BCAS3: variants seen among roughly 807,000 people sequenced by gnomAD.
BCAS3 encodes the protein BCAS3 microtubule associated cell migration factor.
A neutral mutation model predicts 116.1 loss-of-function variants in BCAS3; 53 were observed. The ratio of observed to expected loss-of-function variants is 0.46; its 90% CI spans 0.37 to 0.57. BCAS3 has a LOEUF of 0.57. BCAS3 is among the 20% of genes least tolerant of loss of function. BCAS3 has a pLI of 0.00. For missense variants in BCAS3, 917 were observed against 1,165.4 expected (o/e 0.79, Z 3.10); for synonymous variants, 391 against 408.2 (o/e 0.96, Z 0.51).
Position 60,956,523 on chromosome 17 carries a change from C to T in BCAS3, c.1221+9171C>T, listed in dbSNP as rs750565959. ...AGCACTTAACACCTATTTTTGATAC[C>T]TCTTTGTATTAAAGTTATTTGCCAT... On this transcript the variant is annotated intron_variant, in intron 14 of 23. Coordinates refer to ENST00000407086, the MANE Select transcript of BCAS3 (RefSeq NM_017679.5). This position sits in a 1 kb window ranked among gnomAD's most constrained non-coding sequence, Gnocchi z 4.2. Among the ~76,000 whole-genome samples, 1 of 152,090 alleles carries T rather than the reference C, an allele frequency of 6.6e-6. No homozygotes were observed. Among genetic ancestry groups the T allele is most frequent in the Non-Finnish European group, 1.5e-5 (1 of 68,002 alleles).
chr17:60,785,906 A>G (rs1342865821), intron 6 of BCAS3, among the ~76,000 whole-genome samples: 2 of 152,208 alleles, frequency 1.3e-5, no homozygotes, highest in East Asian at 3.8e-4. Flanking sequence ...TATTGCCTAT[A>G]CAATACAGTG....
intron 13 of BCAS3, among the ~76,000 whole-genome samples, chr17:60,927,821 A>G (rs1170467884): frequency 6.6e-6 from 1 of 152,156 alleles, no homozygotes; most frequent in Non-Finnish European, 1.5e-5. Context: ...AATTCTCTAA[A>G]TATTGCTTAT....
intron 22 of BCAS3, among the ~76,000 whole-genome samples, chr17:61,225,658 T>C (rs765805817): frequency 6.6e-6 from 1 of 152,190 alleles, no homozygotes; most frequent in Admixed American, 6.5e-5. Context: ...CTTTACTGCT[T>C]AAAGCGTCTA....
At position 61,156,996 on chromosome 17, in the gene BCAS3, G is replaced by A. The variant is rs73991497; in HGVS notation, c.2425+72432G>A. On this transcript the variant is annotated intron_variant, in intron 22 of 23. Transcript: ENST00000407086. This position sits in a 1 kb window ranked among gnomAD's most constrained non-coding sequence, Gnocchi z 4.7. ...AATTTAGTATTAAATTTCAAAATAC[G>A]TATTTGTTTTAAAAAGCAAATGTGG... Among the ~76,000 whole-genome samples, 585 of 152,170 alleles carry A rather than the reference G, an allele frequency of 3.8e-3. 5 individuals are homozygous for A. Among genetic ancestry groups the A allele is most frequent in the African/African-American group, 0.013 (556 of 41,516 alleles).
At chr17:60,793,860 C>A (rs957500529) in intron 6 of BCAS3, among the ~76,000 whole-genome samples, 1 of 152,078 alleles carries the variant, frequency 6.6e-6, no homozygotes, top group African/African-American at 2.4e-5. Context: ...AACTGTGCTG[C>A]TATAAACATG....
At chr17:60,946,894 G>A (rs1487315928) in intron 13 of BCAS3, among the ~76,000 whole-genome samples, 3 of 152,128 alleles carry the variant, frequency 2.0e-5, no homozygotes, top group Non-Finnish European at 4.4e-5. Flanking sequence ...CTGGGCAACC[G>A]AGTGAGGTTC....
intron 7 of BCAS3, among the ~76,000 whole-genome samples, chr17:60,823,460 A>T (rs951390318): frequency 1.2e-4 from 18 of 152,122 alleles, no homozygotes; most frequent in African/African-American, 3.9e-4. Context: ...AGATTTTGGG[A>T]GGCTGAGGTA....
chr17:60,787,733 A>G (rs932609586), intron 6 of BCAS3, among the ~76,000 whole-genome samples: 2 of 152,168 alleles, frequency 1.3e-5, no homozygotes, highest in East Asian at 1.9e-4. Context: ...CAAGTGGACT[A>G]TGCAGATCAC....
chr17:61,018,547 C>T (rs963973848), intron 16 of BCAS3, among the ~76,000 whole-genome samples: 1 of 152,086 alleles, frequency 6.6e-6, no homozygotes, highest in Non-Finnish European at 1.5e-5. Flanking sequence ...AGTGATCCAC[C>T]TGCCTCGGCC....
At chr17:61,030,650 A>G (rs1245238343) in intron 16 of BCAS3, among the ~76,000 whole-genome samples, 1 of 152,044 alleles carries the variant, frequency 6.6e-6, no homozygotes, top group Non-Finnish European at 1.5e-5. Context: ...TTTTTAATTT[A>G]GCATCTTATT....
At chr17:61,234,783 GA>G (rs71148395) in intron 22 of BCAS3, among the ~76,000 whole-genome samples, 20,715 of 142,576 alleles carry the variant, frequency 0.15, 2,583 homozygotes, top group African/African-American at 0.36. Context: ...GCTTTTTCCA[GA>G]AAAAAAAAAA....
chr17:60,816,595 A>C (rs890268831), intron 7 of BCAS3, among the ~76,000 whole-genome samples: 1 of 152,130 alleles, frequency 6.6e-6, no homozygotes, highest in Non-Finnish European at 1.5e-5. Context: ...TTATAAATTC[A>C]TAGTGCCTTT....
At chr17:60,924,257 G>T in intron 12 of BCAS3, 150 bp from the exon 13 acceptor site, 1 of 619,618 alleles carries the variant, frequency 1.6e-6, no homozygotes, top group Admixed American at 2.8e-5. Flanking sequence ...ATTCTAAAGT[G>T]GAATTCTCTC....
chr17:60,931,730 C>G (rs192038988), intron 13 of BCAS3, among the ~76,000 whole-genome samples: 1 of 152,232 alleles, frequency 6.6e-6, no homozygotes, highest in Admixed American at 6.5e-5. Context: ...TTGTCACACT[C>G]AATGCTTCAG....
rs1418736288 is a variant in BCAS3 at position 61,333,209 on chromosome 17, G to T, written c.2426-35118G>T. Among the ~76,000 whole-genome samples the T allele has an allele frequency of 5.3e-5, 8 of 152,176 alleles. No individual in the cohort carries two copies. Among genetic ancestry groups the T allele is most frequent in the East Asian group, 1.9e-4 (1 of 5,192 alleles). On this transcript the variant is annotated intron_variant, in intron 22 of 23. Coordinates refer to ENST00000407086, the MANE Select transcript of BCAS3 (RefSeq NM_017679.5). The surrounding 1 kb of genome is among the most constrained non-coding windows in gnomAD (Gnocchi z 4.8). ...AGAGAAACAAAGTCTGGTGAGAGGA[G>T]CAAGTGCAGTTATGCACAGGGAGCA...
chr17:61,096,950 C>T (rs536186781), intron 22 of BCAS3, among the ~76,000 whole-genome samples: 4 of 152,166 alleles, frequency 2.6e-5, no homozygotes, highest in Admixed American at 2.6e-4. Context: ...AATTATTTCA[C>T]ATATGTGGAA....
chr17:60,972,452 T>C (rs2062023585), intron 14 of BCAS3, among the ~76,000 whole-genome samples: 1 of 148,356 alleles, frequency 6.7e-6, no homozygotes, highest in African/African-American at 2.5e-5. Context: ...GCCTTTTTTT[T>C]TTTTTTTTTT....
chr17:60,757,328 TAATAAATA>T lies in BCAS3; in HGVS notation c.403+10077_403+10084del, dbSNP rs1304670427. Among the ~76,000 whole-genome samples, 126 of 19,066 alleles carry T rather than the reference TAATAAATA, an allele frequency of 6.6e-3. 1 individual carries two copies. Among genetic ancestry groups the T allele is most frequent in the Admixed American group, 7.5e-3 (4 of 530 alleles). The allele number at this position is 19,066 out of a possible 152,430, so 12.5% of individuals were successfully genotyped here. A position where few individuals can be genotyped will look rare whatever the true frequency, so the allele number is the denominator to read the frequency against. On this transcript the variant is annotated intron_variant, in intron 6 of 23. Coordinates refer to ENST00000407086, the MANE Select transcript of BCAS3 (RefSeq NM_017679.5). ...AGACTCTGTCTCAAAAAAATAATAA[TAATAAATA>T]AATAAATAAATAAATAAATAAATAA... is the stretch of plus-strand genomic sequence containing the variant.
intron 19 of BCAS3, among the ~76,000 whole-genome samples, chr17:61,049,967 C>T (rs1206203286): frequency 6.6e-5 from 10 of 151,902 alleles, no homozygotes; most frequent in Admixed American, 2.6e-4. Flanking sequence ...CTCCTGACCT[C>T]AGATGATCGT....
Sources: allele counts gnomAD v4.1 joint callset (sites outside exome capture counted in the v4.1 genomes callset), GRCh38; gene constraint gnomAD v4.1.1; non-coding constraint Gnocchi (gnomAD v3.1); transcripts MANE v1.5; gene names NCBI Gene and HGNC (gene_info 2026-07-23, HGNC 2026-07-21).